Variants in THEMIS observed in about 807,000 individuals in gnomAD.
The protein encoded by THEMIS is thymocyte selection associated, also known as protein THEMIS.
Under a neutral mutation model 52.6 loss-of-function variants are expected in THEMIS, and 37 were observed. The ratio of observed to expected loss-of-function variants is 0.70; its 90% confidence interval spans 0.54 to 0.93. The LOEUF (loss-of-function observed/expected upper bound fraction) is 0.93. Ranked by LOEUF, THEMIS falls within the 40% of genes least tolerant of loss-of-function variation. The pLI, the probability that THEMIS is intolerant of heterozygous loss-of-function variation, is 0.00. For missense variants in THEMIS, 808 were observed against 763.1 expected, an observed-to-expected ratio of 1.06 and a Z score of -0.69; for synonymous variants, 292 against 272.7, an observed-to-expected ratio of 1.07 and a Z score of -0.70.
At chr6:127,754,256 T>A (rs1775745940) in intron 4 of THEMIS, among the ~76,000 whole-genome samples, 1 of 152,226 alleles carries the variant, frequency 6.6e-6, no homozygotes, top group Non-Finnish European at 1.5e-5. Flanking sequence ...ACCATGTGTC[T>A]AGGTTTCCAG....
intron 4 of THEMIS, among the ~76,000 whole-genome samples, chr6:127,795,698 A>T (rs1777308859): frequency 6.6e-6 from 1 of 152,172 alleles, no homozygotes; most frequent in Non-Finnish European, 1.5e-5. Flanking sequence ...CTGAGAATCT[A>T]AGTAATTACT....
chr6:127,848,443 A>C (rs1779300085), intron 2 of THEMIS, among the ~76,000 whole-genome samples: 1 of 151,978 alleles, frequency 6.6e-6, no homozygotes, highest in African/African-American at 2.4e-5. Context: ...TATACCCAGT[A>C]ATGAGATGGC....
intron 4 of THEMIS, among the ~76,000 whole-genome samples, chr6:127,771,658 G>A (rs1776388953): frequency 6.6e-6 from 1 of 152,040 alleles, no homozygotes; most frequent in East Asian, 1.9e-4. Context: ...ATATTCTATA[G>A]AAAATACCAA....
chr6:127,787,191 GT>G (rs932057784), intron 4 of THEMIS, among the ~76,000 whole-genome samples: 3 of 151,886 alleles, frequency 2.0e-5, no homozygotes, highest in Non-Finnish European at 4.4e-5. Context: ...AAGATATAGG[GT>G]TTTTTTTAAT....
At chr6:127,745,573 G>A (rs114820962) in intron 4 of THEMIS, among the ~76,000 whole-genome samples, 1,680 of 151,886 alleles carry the variant, frequency 0.011, 21 homozygotes, top group African/African-American at 0.038. Context: ...ATGCCCTGTG[G>A]GTGAATTTGG....
rs62426512 is a variant in THEMIS, at chr6:127,914,236, G to T, written c.-150+4192C>A. On this transcript the variant is annotated intron_variant, in intron 1 of 6. Transcript: ENST00000368250. ...TGGTGCTCAAAAAGTTTCAGATTTT[G>T]GAGCATTTTGGATTTTTGGATTTGC... Among the ~76,000 whole-genome samples, 742 of 152,138 alleles carry T rather than the reference G, an allele frequency of 4.9e-3. 7 individuals carry two copies. Among genetic ancestry groups the T allele is most frequent in the Middle Eastern group, 0.01 (3 of 294 alleles).
intron 3 of THEMIS, among the ~76,000 whole-genome samples, chr6:127,818,293 T>C (rs1778204988): frequency 6.6e-6 from 1 of 152,084 alleles, no homozygotes; most frequent in Admixed American, 6.5e-5. Context: ...AATCATAAAT[T>C]ATAGAAATCC....
In THEMIS at chr6:127,754,173, C is replaced by G. The variant is rs143292582; in HGVS notation, c.1759-34350G>C. Among the ~76,000 whole-genome samples, 302 of 152,230 alleles carry G rather than the reference C, an allele frequency of 2.0e-3. 2 individuals are homozygous for G. Among genetic ancestry groups the G allele is most frequent in the African/African-American group, 6.9e-3 (288 of 41,534 alleles). ...AAAACATACATTATACAAGTAGTCA[C>G]AACTTACAAAAGGGTTGTATTTCTA... On this transcript the variant is annotated intron_variant, in intron 4 of 5. Coordinates refer to ENST00000368248, the MANE Select transcript of THEMIS (RefSeq NM_001010923.3).
intron 4 of THEMIS, among the ~76,000 whole-genome samples, chr6:127,800,863 C>T (rs1331926361): frequency 6.6e-6 from 1 of 152,108 alleles, no homozygotes; most frequent in Non-Finnish European, 1.5e-5. Context: ...CTGAAGATGG[C>T]CTATTGTGGG....
chr6:127,834,699 C>A (rs561073387), intron 2 of THEMIS, among the ~76,000 whole-genome samples: 10 of 152,200 alleles, frequency 6.6e-5, no homozygotes, highest in African/African-American at 1.4e-4. Context: ...TAAAATCTTT[C>A]AATTCATTTT....
At chr6:127,850,577 C>A (rs973836842) in intron 2 of THEMIS, among the ~76,000 whole-genome samples, 14 of 151,994 alleles carry the variant, frequency 9.2e-5, no homozygotes, top group African/African-American at 3.4e-4. Context: ...GAAATAATGT[C>A]TTTTGCAGCA....
At chr6:127,802,698 T>G (rs1457348383) in intron 4 of THEMIS, among the ~76,000 whole-genome samples, 1 of 152,236 alleles carries the variant, frequency 6.6e-6, no homozygotes, top group East Asian at 1.9e-4. Context: ...TGAGCCAGTT[T>G]ACAGACCCAG....
chr6:127,796,969 A>C (rs1583287957), intron 4 of THEMIS, among the ~76,000 whole-genome samples: 2 of 152,200 alleles, frequency 1.3e-5, no homozygotes, highest in Non-Finnish European at 1.5e-5. Context: ...ATAAAAATCC[A>C]CTTGACTCCA....
chr6:127,754,771 G>A (rs1775764077), intron 4 of THEMIS, among the ~76,000 whole-genome samples: 1 of 152,134 alleles, frequency 6.6e-6, no homozygotes, highest in Admixed American at 6.6e-5. Context: ...TGGGTATCAG[G>A]CTACAAAGAG....
At chr6:127,732,384 T>A (rs1774844246) in intron 4 of THEMIS, among the ~76,000 whole-genome samples, 1 of 152,164 alleles carries the variant, frequency 6.6e-6, no homozygotes, top group Non-Finnish European at 1.5e-5. Flanking sequence ...TGCTTATAAG[T>A]ACAATATTTT....
At chr6:127,777,024 T>G (rs1776588027) in intron 4 of THEMIS, among the ~76,000 whole-genome samples, 1 of 152,074 alleles carries the variant, frequency 6.6e-6, no homozygotes, top group Admixed American at 6.5e-5. Context: ...TTTCCCATTC[T>G]TTTAACTTTT....
Position 127,852,008 on chromosome 6 carries a change from C to T in THEMIS, c.250+3022G>A, listed in dbSNP as rs563970013. Among the ~76,000 whole-genome samples, 17 of 151,598 alleles carry T rather than the reference C, an allele frequency of 1.1e-4. No homozygotes were observed. The East Asian group carries it at 1.8e-3, about 16-fold the overall frequency. ...GAAAAATTATAATCATGTCATCATA[C>T]GTCGGGGACTGTCTGTAGTTTGAAA... On this transcript the variant is annotated intron_variant, in intron 2 of 5. Transcript: ENST00000368248.
rs147868160 is a variant in THEMIS, at chr6:127,917,888, C to A, written c.-150+540G>T. Among the ~76,000 whole-genome samples the A allele has an allele frequency of 9.8e-5, 15 of 152,344 alleles. No homozygotes were observed. In the East Asian group the frequency reaches 2.7e-3, roughly 27 times the overall value. ...TCATTCTAAGAGTCTAGTGGTTCAG[C>A]ATTTCCTTGGATTCCATGAGATATA... On this transcript the variant is annotated intron_variant, in intron 1 of 6. Coordinates refer to the THEMIS transcript ENST00000368250.
At chr6:127,887,291 T>C (rs147667518) in intron 1 of THEMIS, among the ~76,000 whole-genome samples, 117 of 152,170 alleles carry the variant, frequency 7.7e-4, no homozygotes, top group African/African-American at 2.7e-3. Context: ...TCAACATTAG[T>C]TGTCATTAAG....
Sources: gnomAD v4.1 joint callset for allele counts (sites outside exome capture counted in the v4.1 genomes callset) on GRCh38, gnomAD v4.1.1 for gene constraint, MANE v1.5 for transcripts, NCBI Gene and HGNC (gene_info 2026-07-23, HGNC 2026-07-21) for gene names.